The following MITF variants were observed in gnomAD, a reference collection of about 807,000 sequenced individuals.
MITF encodes the protein microphthalmia-associated transcription factor.
MITF carries 17 observed loss-of-function variants against 60.5 expected under a neutral mutation model. The observed-to-expected ratio is 0.28, with a 90% CI of 0.19 to 0.42. MITF has a LOEUF of 0.42. Ranked by LOEUF, MITF falls within the 10% of genes least tolerant of loss-of-function variation. MITF has a pLI of 1.00. For missense variants in MITF, 622 were observed against 683.5 expected (o/e 0.91, Z 1.00); for synonymous variants, 260 against 248.5 (o/e 1.05, Z -0.43).
intron 1 of MITF, among the ~76,000 whole-genome samples, chr3:69,852,601 A>T (rs2063843786): frequency 6.6e-6 from 1 of 152,146 alleles, no homozygotes; most frequent in African/African-American, 2.4e-5. Flanking sequence ...CACTATTATG[A>T]GCAGTGTTGC....
intron 7 of MITF, among the ~76,000 whole-genome samples, chr3:69,952,321 C>T (rs2066276757): frequency 6.6e-6 from 1 of 152,066 alleles, no homozygotes; most frequent in African/African-American, 2.4e-5. Flanking sequence ...ATGGATGAGG[C>T]AGCCTCCTAA....
intron 1 of MITF, among the ~76,000 whole-genome samples, chr3:69,770,648 G>C (rs1489243275): frequency 1.3e-5 from 2 of 152,118 alleles, no homozygotes; most frequent in African/African-American, 4.8e-5. Flanking sequence ...TGAAGAGAGA[G>C]GAATTTAAAG....
chr3:69,861,201 A>G (rs2107212083), intron 1 of MITF, among the ~76,000 whole-genome samples: 1 of 152,300 alleles, frequency 6.6e-6, no homozygotes, highest in South Asian at 2.1e-4. Context: ...GCTACCCTCA[A>G]ATTATACTTC....
intron 1 of MITF, among the ~76,000 whole-genome samples, chr3:69,796,494 C>CTATTTTTTTTTTT (rs2062829965): frequency 1.2e-5 from 1 of 80,328 alleles, no homozygotes; most frequent in Non-Finnish European, 2.6e-5. Flanking sequence ...CACCGTCTTT[C>CTATTTTTTTTTTT]TTTTTTTTTT....
intron 1 of MITF, among the ~76,000 whole-genome samples, chr3:69,767,324 A>G (rs1396965121): frequency 6.6e-6 from 1 of 152,090 alleles, no homozygotes; most frequent in Admixed American, 6.5e-5. Context: ...ATGGAGGGGC[A>G]TGTAATCCTG....
intron 1 of MITF, among the ~76,000 whole-genome samples, chr3:69,794,306 A>C (rs140261408): frequency 1.3e-5 from 2 of 152,338 alleles, no homozygotes; most frequent in Admixed American, 1.3e-4. Flanking sequence ...GTGTGGTGTT[A>C]TGTATGTGAA....
intron 9 of MITF, among the ~76,000 whole-genome samples, chr3:69,960,385 G>A (rs2066509980): frequency 1.3e-5 from 2 of 152,040 alleles, no homozygotes; most frequent in African/African-American, 2.4e-5. Context: ...CTACTCAGTG[G>A]GTATATGCAC....
At chr3:69,924,540 G>A (rs2065542489) in intron 2 of MITF, among the ~76,000 whole-genome samples, 1 of 152,198 alleles carries the variant, frequency 6.6e-6, no homozygotes, top group Non-Finnish European at 1.5e-5. Context: ...TTATACGAAA[G>A]CAGAGTGAAT....
intron 2 of MITF, among the ~76,000 whole-genome samples, chr3:69,889,742 A>G (rs1048253203): frequency 2.6e-5 from 4 of 152,130 alleles, no homozygotes; most frequent in Non-Finnish European, 4.4e-5. Context: ...TATAATTGAA[A>G]AAGTTAGATT....
intron 1 of MITF, among the ~76,000 whole-genome samples, chr3:69,855,913 C>T (rs1009322249): frequency 6.6e-6 from 1 of 152,084 alleles, no homozygotes; most frequent in Admixed American, 6.6e-5. Context: ...TTTACAGGCA[C>T]TATCAACAAA....
At chr3:69,909,577 A>G (rs2065178045) in intron 2 of MITF, among the ~76,000 whole-genome samples, 2 of 152,222 alleles carry the variant, frequency 1.3e-5, no homozygotes, top group East Asian at 1.9e-4. Context: ...AAATTCTGAT[A>G]GTGATATGAA....
intron 1 of MITF, among the ~76,000 whole-genome samples, chr3:69,764,679 A>G (rs2062262809): frequency 6.6e-6 from 1 of 152,174 alleles, no homozygotes; most frequent in Admixed American, 6.5e-5. Flanking sequence ...ACTTCCCTTA[A>G]GTAAGTTTCC....
chr3:69,782,320 C>A (rs2062578726), intron 1 of MITF, among the ~76,000 whole-genome samples: 1 of 152,158 alleles, frequency 6.6e-6, no homozygotes, highest in Non-Finnish European at 1.5e-5. Context: ...TCAGTGGATG[C>A]CAAGGCCAAA....
intron 2 of MITF, among the ~76,000 whole-genome samples, chr3:69,924,534 A>G (rs1431402617): frequency 6.6e-6 from 1 of 152,220 alleles, no homozygotes; most frequent in Admixed American, 6.5e-5. Flanking sequence ...TCAAATTTAT[A>G]CGAAAGCAGA....
At chr3:69,794,572 C>T (rs1240555521) in intron 1 of MITF, among the ~76,000 whole-genome samples, 1 of 152,094 alleles carries the variant, frequency 6.6e-6, no homozygotes, top group African/African-American at 2.4e-5. Context: ...ATCGTGGTAG[C>T]TTGGTCATCA....
intron 1 of MITF, among the ~76,000 whole-genome samples, chr3:69,749,217 G>A (rs1703839533): frequency 6.6e-6 from 1 of 152,132 alleles, no homozygotes; most frequent in Non-Finnish European, 1.5e-5. Context: ...TCCTAAATTC[G>A]TAGAGATGGT....
At chr3:69,950,062 C>A (rs2066204084) in intron 6 of MITF, among the ~76,000 whole-genome samples, 1 of 151,934 alleles carries the variant, frequency 6.6e-6, no homozygotes, top group African/African-American at 2.4e-5. Flanking sequence ...TAAGTAAAAA[C>A]CATCCAAAAC....
intron 2 of MITF, among the ~76,000 whole-genome samples, chr3:69,896,238 T>A (rs1349582896): frequency 6.6e-6 from 1 of 152,182 alleles, no homozygotes; most frequent in Non-Finnish European, 1.5e-5. Flanking sequence ...AGTTTTATCA[T>A]ATTTAAAGAG....
intron 9 of MITF, 57 bp from the exon 10 acceptor site, chr3:69,964,790 C>A: frequency 6.4e-7 from 1 of 1,572,782 alleles, no homozygotes; most frequent in Non-Finnish European, 8.7e-7. Context: ...GTTTCACAGG[C>A]TTAAAAGTCC....
Sources: gnomAD v4.1 joint callset for allele counts (sites outside exome capture counted in the v4.1 genomes callset) on GRCh38, gnomAD v4.1.1 for gene constraint, MANE v1.5 for transcripts, NCBI Gene and HGNC (gene_info 2026-07-23, HGNC 2026-07-21) for gene names.